The following AKR1E2 variants were observed in gnomAD, a reference collection of about 807,000 sequenced individuals.
The protein encoded by AKR1E2 is aldo-keto reductase family 1 member E2.
A neutral mutation model predicts 41.9 loss-of-function variants in AKR1E2; 43 were observed. The ratio of observed to expected loss-of-function variants is 1.03; its 90% CI spans 0.80 to 1.32. The LOEUF (loss-of-function observed/expected upper bound fraction) is 1.32, where lower values mean the gene tolerates loss of function less well. Ranked by LOEUF, AKR1E2 falls within the 40% of genes most tolerant of loss-of-function variation. AKR1E2 has a pLI of 0.00. For missense variants in AKR1E2, 423 were observed against 396.5 expected (o/e 1.07, Z -0.57); for synonymous variants, 121 against 138.9 (o/e 0.87, Z 0.91).
intron 6 of AKR1E2, among the ~76,000 whole-genome samples, chr10:4,840,202 C>T (rs1833762121): frequency 6.6e-6 from 1 of 152,138 alleles, no homozygotes; most frequent in Non-Finnish European, 1.5e-5. Flanking sequence ...TTTACCCAGG[C>T]CCTCCTGCAG....
intron 4 of AKR1E2, 50 bp downstream of exon 4, chr10:4,835,859 C>T (rs369229920): frequency 2.0e-5 from 32 of 1,604,812 alleles, no homozygotes; most frequent in Non-Finnish European, 2.6e-5. Flanking sequence ...GGGTCTCCAC[C>T]CAGGATGCAG....
intron 4 of AKR1E2, among the ~76,000 whole-genome samples, chr10:4,836,222 A>G (rs995391783): frequency 3.9e-5 from 6 of 152,152 alleles, no homozygotes; most frequent in African/African-American, 1.4e-4. Flanking sequence ...GCATTTCAGA[A>G]TGATAAAGTT....
chr10:4,829,133 A>G (rs942352562), intron 1 of AKR1E2, among the ~76,000 whole-genome samples: 12 of 152,172 alleles, frequency 7.9e-5, no homozygotes, highest in African/African-American at 2.7e-4. Context: ...TGTAAGATGG[A>G]TATTTTTTAA....
chr10:4,831,374 T>C (rs1832956636), intron 2 of AKR1E2, among the ~76,000 whole-genome samples: 1 of 152,136 alleles, frequency 6.6e-6, no homozygotes. Context: ...CTGGGTAGTT[T>C]ATAAAGAAAA....
At chr10:4,862,913 A>ACTAT in the AKR1E2 span, among the ~76,000 whole-genome samples, 135,714 of 151,700 alleles carry the variant, frequency 0.89, 61,591 homozygotes, top group East Asian at 0.98. Flanking sequence ...AGAAGAGCTA[A>ACTAT]CCTAAATACA....
chr10:4,840,103 C>A (rs1400638887), intron 6 of AKR1E2, among the ~76,000 whole-genome samples: 1 of 152,070 alleles, frequency 6.6e-6, no homozygotes, highest in Non-Finnish European at 1.5e-5. Flanking sequence ...GCTGAGTTCC[C>A]CACCAGGGTG....
the AKR1E2 span, among the ~76,000 whole-genome samples, chr10:4,871,509 A>G: frequency 6.6e-6 from 1 of 152,296 alleles, no homozygotes; most frequent in East Asian, 1.9e-4. Flanking sequence ...CAAGTAAAAA[A>G]TGTAGATTTT....
the AKR1E2 span, among the ~76,000 whole-genome samples, chr10:4,863,885 C>A: frequency 6.6e-6 from 1 of 152,194 alleles, no homozygotes. Flanking sequence ...TTCCTCGACA[C>A]ATAAACCCTC....
the AKR1E2 span, among the ~76,000 whole-genome samples, chr10:4,858,823 ATT>A: frequency 1.8e-4 from 24 of 131,956 alleles, no homozygotes; most frequent in Admixed American, 2.4e-4. Flanking sequence ...AGGAATTTGG[ATT>A]TTTTTTTTTT....
chr10:4,850,242 C>T (rs917136904), downstream of AKR1E2, among the ~76,000 whole-genome samples: 4 of 152,182 alleles, frequency 2.6e-5, no homozygotes, highest in Admixed American at 2.6e-4. Context: ...TTAAGGGACC[C>T]TCTGCGTCAA....
At chr10:4,844,936 T>C (rs1182642165) in intron 8 of AKR1E2, among the ~76,000 whole-genome samples, 1 of 152,096 alleles carries the variant, frequency 6.6e-6, no homozygotes, top group African/African-American at 2.4e-5. Context: ...CCTTGGGTGG[T>C]CTATGGGACC....
chr10:4,842,190 G>C (rs1420874894), intron 7 of AKR1E2, among the ~76,000 whole-genome samples: 1 of 152,146 alleles, frequency 6.6e-6, no homozygotes, highest in South Asian at 2.1e-4. Context: ...CCAGTGGGGG[G>C]CTGGGCGCAT....
rs1375484775 is a variant in AKR1E2, at chr10:4,837,727, A to G, written c.582+146A>G. 3.8e-6 allele frequency: 5 copies of G among 1,317,730 alleles called. No homozygotes were observed. In the Admixed American group the frequency reaches 1.3e-4, roughly 35 times the overall value. The allele number at this position is 1,317,730 out of a possible 1,614,324, so 81.6% of individuals were successfully genotyped here. A position where few individuals can be genotyped will look rare whatever the true frequency, so the allele number is the denominator to read the frequency against. On this transcript the variant is annotated intron_variant, in intron 5 of 9. Coordinates refer to ENST00000298375, the MANE Select transcript of AKR1E2 (RefSeq NM_001040177.3). Reference sequence around the variant, plus strand: ...TGGCAGCACTCAGAATGGTGATTAAAGGCAGCAGCTAGGCAAGTGGCTTTC... The same window carrying G: ...TGGCAGCACTCAGAATGGTGATTAAGGGCAGCAGCTAGGCAAGTGGCTTTC...
chr10:4,833,521 T>G (rs762478667), intron 3 of AKR1E2, 55 bp downstream of exon 3: 4 of 1,451,976 alleles, frequency 2.8e-6, no homozygotes, highest in Non-Finnish European at 3.9e-6. Context: ...CTCCCCGTGC[T>G]CACACCCTGT....
chr10:4,840,274 G>T (rs1200890944), intron 6 of AKR1E2, among the ~76,000 whole-genome samples: 1 of 152,216 alleles, frequency 6.6e-6, no homozygotes, highest in Non-Finnish European at 1.5e-5. Flanking sequence ...TAAGCCAGAA[G>T]CTTGGAAATC....
chr10:4,828,422 GT>G (rs1832714458), intron 1 of AKR1E2, among the ~76,000 whole-genome samples: 1 of 152,184 alleles, frequency 6.6e-6, no homozygotes, highest in African/African-American at 2.4e-5. Flanking sequence ...AATTACTACA[GT>G]TCCTTGATAA....
intron 3 of AKR1E2, 98 bp from the exon 4 acceptor site, chr10:4,835,577 G>A: frequency 1.4e-6 from 2 of 1,451,602 alleles, no homozygotes; most frequent in Non-Finnish European, 1.8e-6. Context: ...GGGTTGCTTA[G>A]TGACAGGGCT....
chr10:4,841,968 G>A (rs550882266), intron 7 of AKR1E2, 111 bp downstream of exon 7: 217 of 913,088 alleles, frequency 2.4e-4, no homozygotes, highest in African/African-American at 2.1e-3. Context: ...ACCCAGGTGA[G>A]TCCATGACTC....
In AKR1E2 at chr10:4,830,814, G is replaced by C. The variant is rs762395965; in HGVS notation, c.179G>C (p.Arg60Thr). The stretch of plus-strand genomic sequence containing the variant: ...TGCAAGATCAAGGAAGGCGCTGTAA[G>C]ACGGGAGGATCTGTTCATTGCCACT... ...IRCKIKEGAVRREDLFIATKL... is the reference protein window; with the variant it reads ...IRCKIKEGAVTREDLFIATKL... The change falls in exon 2 of 10, where the codon AGA becomes ACA. Residue 60 changes from arginine (R) to threonine (T), a missense_variant. Transcript: ENST00000298375. 1 of 1,614,062 alleles carries C rather than the reference G, an allele frequency of 6.2e-7. No homozygotes were observed. The highest frequency in any genetic ancestry group is 1.3e-5 in the African/African-American group (1 of 74,944).
Sources: gnomAD v4.1 joint callset for allele counts (sites outside exome capture counted in the v4.1 genomes callset) on GRCh38, gnomAD v4.1.1 for gene constraint, MANE v1.5 for transcripts, NCBI Gene and HGNC (gene_info 2026-07-23, HGNC 2026-07-21) for gene names.